SPAG16: variants seen among roughly 807,000 people sequenced by gnomAD.
SPAG16 encodes the protein sperm associated antigen 16, also known as sperm-associated antigen 16 protein.
Under a neutral mutation model 80.4 loss-of-function variants are expected in SPAG16, and 86 were observed. That is an observed-to-expected ratio of 1.07 (90% CI 0.90 to 1.28). The LOEUF (loss-of-function observed/expected upper bound fraction) is 1.28. Ranked by LOEUF, SPAG16 falls within the 50% of genes most tolerant of loss-of-function variation. The pLI is 0.00. For synonymous variants in SPAG16, 294 were observed against 265.9 expected, an observed-to-expected ratio of 1.11 and a Z score of -1.03; for missense variants, 870 against 765.3, an observed-to-expected ratio of 1.14 and a Z score of -1.61.
At chr2:213,893,264 A>G (rs1444299565) in intron 11 of SPAG16, among the ~76,000 whole-genome samples, 1 of 152,126 alleles carries the variant, frequency 6.6e-6, no homozygotes, top group African/African-American at 2.4e-5. Context: ...GACAAACAAG[A>G]GCTTAAAAGA....
chr2:213,729,614 C>T (rs1262975392), intron 10 of SPAG16, among the ~76,000 whole-genome samples: 1 of 152,174 alleles, frequency 6.6e-6, no homozygotes, highest in Non-Finnish European at 1.5e-5. Flanking sequence ...ACTATATTTA[C>T]AGAGCCTAAC....
chr2:213,678,841 G>T (rs1366613378), intron 10 of SPAG16, among the ~76,000 whole-genome samples: 1 of 152,112 alleles, frequency 6.6e-6, no homozygotes, highest in Non-Finnish European at 1.5e-5. Flanking sequence ...TTGGAACACA[G>T]AAATGGGTGA....
At chr2:214,292,754 G>A (rs1693887241) in intron 15 of SPAG16, among the ~76,000 whole-genome samples, 1 of 152,140 alleles carries the variant, frequency 6.6e-6, no homozygotes, top group Non-Finnish European at 1.5e-5. Flanking sequence ...TGATATCTGT[G>A]CATCTGGTGT....
chr2:214,147,179 A>G (rs1378465564), intron 14 of SPAG16, among the ~76,000 whole-genome samples: 2 of 152,148 alleles, frequency 1.3e-5, no homozygotes, highest in Non-Finnish European at 2.9e-5. Flanking sequence ...TGGCTCATTA[A>G]AAGCATTTCA....
intron 9 of SPAG16, among the ~76,000 whole-genome samples, chr2:213,394,292 T>C (rs1297283999): frequency 6.6e-6 from 1 of 152,144 alleles, no homozygotes; most frequent in African/African-American, 2.4e-5. Context: ...TTAACATTGA[T>C]AAAATACTTT....
At chr2:214,284,284 A>G (rs1174202502) in intron 15 of SPAG16, among the ~76,000 whole-genome samples, 1 of 152,170 alleles carries the variant, frequency 6.6e-6, no homozygotes, top group Non-Finnish European at 1.5e-5. Flanking sequence ...GTCTTGATAA[A>G]TTGTATCAGC....
At chr2:214,303,382 A>G (rs1694694184) in intron 15 of SPAG16, among the ~76,000 whole-genome samples, 2 of 152,158 alleles carry the variant, frequency 1.3e-5, no homozygotes, top group Non-Finnish European at 2.9e-5. Flanking sequence ...TCATTTATGA[A>G]ATTACTTGTG....
At chr2:214,001,769 A>C (rs2046798721) in intron 12 of SPAG16, among the ~76,000 whole-genome samples, 1 of 152,228 alleles carries the variant, frequency 6.6e-6, no homozygotes, top group Non-Finnish European at 1.5e-5. Context: ...TTACACTGAA[A>C]GTAAAGTAAA....
At position 213,529,092 on chromosome 2, in the gene SPAG16, A is replaced by C. The variant is rs2075981837; in HGVS notation, c.1070+39002A>C. Among the ~76,000 whole-genome samples the C allele has an allele frequency of 5.3e-5, 8 of 152,316 alleles. No homozygotes were observed. In the South Asian group the frequency reaches 1.7e-3, roughly 32 times the overall value. On this transcript the variant is annotated intron_variant, in intron 10 of 15. Transcript: ENST00000331683. ...TCTTTGTAGGATTTAATTTTTATTG[A>C]CACATTAATGAAACTATTCTCTACT...
intron 10 of SPAG16, among the ~76,000 whole-genome samples, chr2:213,773,140 A>T (rs573476426): frequency 6.6e-6 from 1 of 151,668 alleles, no homozygotes; most frequent in Non-Finnish European, 1.5e-5. Flanking sequence ...TCTTTTTATC[A>T]TTTTTTTAAT....
At chr2:213,785,731 G>T (rs2556339) in intron 10 of SPAG16, among the ~76,000 whole-genome samples, 140,002 of 152,222 alleles carry the variant, frequency 0.92, 65,530 homozygotes, top group East Asian at 1. Context: ...TTCAAAAGAA[G>T]TTTAGCCAGG....
chr2:213,860,448 T>C (rs1559529397), intron 10 of SPAG16, among the ~76,000 whole-genome samples: 1 of 127,042 alleles, frequency 7.9e-6, no homozygotes, highest in Non-Finnish European at 1.7e-5. Context: ...TATAGATATA[T>C]GTATATATAT....
At position 214,410,178 on chromosome 2, in the gene SPAG16, C is replaced by A. The variant is rs1425117896; in HGVS notation, c.1759C>A (p.His587Asn). The change falls in exon 16 of 16, where the codon CAT (histidine) becomes AAT (asparagine). Residue 587 changes from histidine to asparagine, a missense_variant. His to Asn is a moderately conservative substitution (Grantham distance 68, BLOSUM62 1). Coordinates refer to ENST00000331683, the MANE Select transcript of SPAG16 (RefSeq NM_024532.5). ...TCAGGCAAGTGGCAATGGTGTTATC[C>A]ATTTGCTAGATCTTAAATCTGGGGA... The part of the protein sequence containing the change: ...LAQASGNGVI[H>N]LLDLKSGEIH... The A allele has an allele frequency of 6.2e-7, 1 of 1,613,736 alleles. No individual in the cohort carries two copies. The highest frequency in any genetic ancestry group is 2.2e-5 in the East Asian group (1 of 44,858).
intron 15 of SPAG16, 136 bp from the exon 16 acceptor site, chr2:214,410,004 A>G: frequency 1.2e-6 from 1 of 810,012 alleles, no homozygotes; most frequent in African/African-American, 1.7e-5. Flanking sequence ...TACAGGAGCT[A>G]CTGCATATTT....
At chr2:214,126,318 GA>G (rs140735083) in intron 14 of SPAG16, among the ~76,000 whole-genome samples, 3,146 of 151,370 alleles carry the variant, frequency 0.021, 116 homozygotes, top group African/African-American at 0.072. Flanking sequence ...ATTCATGGGA[GA>G]AGGAGGGTCG....
chr2:213,988,262 A>AT (rs1274815034), intron 12 of SPAG16, among the ~76,000 whole-genome samples: 1 of 152,076 alleles, frequency 6.6e-6, no homozygotes, highest in Non-Finnish European at 1.5e-5. Flanking sequence ...CCTAATGGAG[A>AT]TTTATAGTAT....
At chr2:213,708,621 T>C (rs2065854160) in intron 10 of SPAG16, among the ~76,000 whole-genome samples, 1 of 152,110 alleles carries the variant, frequency 6.6e-6, no homozygotes, top group Non-Finnish European at 1.5e-5. Flanking sequence ...GTGAAACCCC[T>C]ACTAAAAATA....
intron 15 of SPAG16, among the ~76,000 whole-genome samples, chr2:214,352,806 A>G (rs1698512847): frequency 6.6e-6 from 1 of 151,950 alleles, no homozygotes; most frequent in Non-Finnish European, 1.5e-5. Flanking sequence ...CTCAGTTTTT[A>G]TGCTGCCTGT....
At chr2:214,371,021 C>T (rs539006518) in intron 15 of SPAG16, among the ~76,000 whole-genome samples, 4 of 152,090 alleles carry the variant, frequency 2.6e-5, no homozygotes, top group Non-Finnish European at 4.4e-5. Context: ...TGCTCCAGAT[C>T]GCATTAGAGT....
Sources: allele counts gnomAD v4.1 joint callset (sites outside exome capture counted in the v4.1 genomes callset), GRCh38; gene constraint gnomAD v4.1.1; transcripts MANE v1.5; gene names NCBI Gene and HGNC (gene_info 2026-07-23, HGNC 2026-07-21).